The following CDH18 variants were observed in gnomAD, a reference collection of about 807,000 sequenced individuals.
The protein encoded by CDH18 is cadherin-18.
CDH18 carries 31 observed loss-of-function variants against 67.9 expected under a neutral mutation model. The observed-to-expected ratio is 0.46, with a 90% confidence interval of 0.34 to 0.62. CDH18 has a LOEUF of 0.62. Among genes scored for constraint, CDH18 ranks in the 20% least tolerant of loss-of-function variants. CDH18 has a pLI of 0.01. For synonymous variants in CDH18, 362 were observed against 347.2 expected, an observed-to-expected ratio of 1.04 and a Z score of -0.48; for missense variants, 890 against 975.5, an observed-to-expected ratio of 0.91 and a Z score of 1.17.
intron 2 of CDH18, among the ~76,000 whole-genome samples, chr5:20,181,205 T>C (rs1737660765): frequency 6.6e-6 from 1 of 152,168 alleles, no homozygotes; most frequent in South Asian, 2.1e-4. Context: ...ACATTTCAGT[T>C]GCTCCTCCCA....
intron 1 of CDH18, among the ~76,000 whole-genome samples, chr5:19,983,305 C>T (rs552627799): frequency 2.0e-5 from 3 of 152,114 alleles, no homozygotes; most frequent in Admixed American, 6.5e-5. Context: ...TGTATTAATC[C>T]TAAAGGCCTC....
chr5:20,409,540 A>G (rs1746588965), intron 1 of CDH18, among the ~76,000 whole-genome samples: 1 of 151,786 alleles, frequency 6.6e-6, no homozygotes. Context: ...GAAAGTTTAT[A>G]TTGATAAATA....
chr5:20,372,407 C>T (rs890000051), intron 1 of CDH18, among the ~76,000 whole-genome samples: 1 of 151,964 alleles, frequency 6.6e-6, no homozygotes, highest in Non-Finnish European at 1.5e-5. Flanking sequence ...TTAACAATAA[C>T]TTCTCCACTG....
At chr5:20,226,774 A>G (rs1741664613) in intron 2 of CDH18, among the ~76,000 whole-genome samples, 1 of 152,088 alleles carries the variant, frequency 6.6e-6, no homozygotes, top group Admixed American at 6.6e-5. Context: ...ATAAAAATAT[A>G]CTCAAGCCAC....
chr5:19,725,784 C>A (rs896544131), intron 4 of CDH18, among the ~76,000 whole-genome samples: 1 of 152,080 alleles, frequency 6.6e-6, no homozygotes, highest in African/African-American at 2.4e-5. Flanking sequence ...ACAACAACAA[C>A]AAAAATCTTT....
chr5:19,822,794 T>C (rs1350825228), intron 3 of CDH18, among the ~76,000 whole-genome samples: 2 of 152,176 alleles, frequency 1.3e-5, no homozygotes, highest in African/African-American at 4.8e-5. Flanking sequence ...GATAACATTT[T>C]ATCAGGAGAC....
chr5:20,373,738 A>G (rs530550253), intron 1 of CDH18, among the ~76,000 whole-genome samples: 23 of 152,220 alleles, frequency 1.5e-4, no homozygotes, highest in African/African-American at 5.5e-4. Context: ...GTCTCAATAA[A>G]TTAATCATAA....
chr5:20,503,271 A>C (rs1208875078), intron 1 of CDH18, among the ~76,000 whole-genome samples: 2 of 151,380 alleles, frequency 1.3e-5, no homozygotes, highest in Non-Finnish European at 2.9e-5. Flanking sequence ...CAGCAATGAC[A>C]CAGTGACTTT....
At chr5:19,785,011 G>A (rs1260885525) in intron 3 of CDH18, among the ~76,000 whole-genome samples, 2 of 152,068 alleles carry the variant, frequency 1.3e-5, no homozygotes, top group East Asian at 1.9e-4. Flanking sequence ...CCCCAGTCCT[G>A]GAGCCTGGAG....
chr5:20,397,105 G>T (rs1745346831), intron 1 of CDH18, among the ~76,000 whole-genome samples: 1 of 150,846 alleles, frequency 6.6e-6, no homozygotes, highest in Non-Finnish European at 1.5e-5. Flanking sequence ...GTCCACACAT[G>T]TTTTTTGTTT....
In CDH18 at chr5:19,856,783, C is replaced by T. The variant is rs56140403; in HGVS notation, c.-256-17541G>A. Reference sequence around the variant, plus strand: ...TCTTCGGGACCTTGATCTTGGACTTCCAGCTTCAAGCACTGCGAGAAAATA... The same window carrying T: ...TCTTCGGGACCTTGATCTTGGACTTTCAGCTTCAAGCACTGCGAGAAAATA... On this transcript the variant is annotated intron_variant, in intron 2 of 12. Transcript: ENST00000382275. Among the ~76,000 whole-genome samples the T allele has an allele frequency of 2.8e-3, 426 of 152,152 alleles. 2 individuals carry two copies. The highest frequency in any genetic ancestry group is 0.01 in the Middle Eastern group (3 of 294).
chr5:20,304,916 G>T, intron 1 of CDH18: 6 of 1,612,910 alleles, frequency 3.7e-6, no homozygotes, highest in East Asian at 2.2e-5. Context: ...TCACAGAGGG[G>T]GTTTGTATTC....
intron 7 of CDH18, among the ~76,000 whole-genome samples, chr5:19,587,215 A>G (rs1011891522): frequency 2.6e-4 from 40 of 152,138 alleles, no homozygotes; most frequent in African/African-American, 9.7e-4. Flanking sequence ...TAGTTTAATT[A>G]TTAGATTGGT....
At chr5:19,886,979 A>T (rs569511398) in intron 2 of CDH18, among the ~76,000 whole-genome samples, 21 of 152,134 alleles carry the variant, frequency 1.4e-4, no homozygotes, top group Middle Eastern at 6.8e-3. Flanking sequence ...ACCAATATTT[A>T]TTTATGCATA....
chr5:19,621,282 T>A (rs995181952), intron 5 of CDH18, among the ~76,000 whole-genome samples: 1 of 150,806 alleles, frequency 6.6e-6, no homozygotes. Flanking sequence ...TATTTCTTAA[T>A]ATTGTGTTGA....
At chr5:19,738,505 A>C (rs1561189779) in intron 4 of CDH18, among the ~76,000 whole-genome samples, 1 of 152,128 alleles carries the variant, frequency 6.6e-6, no homozygotes, top group Non-Finnish European at 1.5e-5. Flanking sequence ...AGTTTTCTAC[A>C]TTGAGGCCTA....
At chr5:19,901,174 T>C (rs1252378128) in intron 2 of CDH18, among the ~76,000 whole-genome samples, 1 of 152,138 alleles carries the variant, frequency 6.6e-6, no homozygotes, top group Non-Finnish European at 1.5e-5. Context: ...GATATAACTC[T>C]GACTACTTTA....
At chr5:19,868,801 A>T (rs989967420) in intron 2 of CDH18, among the ~76,000 whole-genome samples, 4 of 152,188 alleles carry the variant, frequency 2.6e-5, no homozygotes, top group African/African-American at 7.2e-5. Flanking sequence ...CTCCCCATTC[A>T]GCCAGGGAAT....
intron 1 of CDH18, among the ~76,000 whole-genome samples, chr5:20,358,333 T>A (rs1200513551): frequency 2.0e-5 from 3 of 152,002 alleles, no homozygotes; most frequent in Non-Finnish European, 4.4e-5. Context: ...ACAAAAATAA[T>A]AAAATTGGTC....
Sources: gnomAD v4.1 joint callset for allele counts (sites outside exome capture counted in the v4.1 genomes callset) on GRCh38, gnomAD v4.1.1 for gene constraint, MANE v1.5 for transcripts, NCBI Gene and HGNC (gene_info 2026-07-23, HGNC 2026-07-21) for gene names.